CAMKMT: variants seen among roughly 807,000 people sequenced by gnomAD.
CAMKMT encodes the protein CaM KMT.
In CAMKMT, 53 loss-of-function variants were observed where a neutral mutation model predicts 48.0. That is an observed-to-expected ratio of 1.10 (90% confidence interval 0.89 to 1.39). CAMKMT has a LOEUF of 1.39. Ranked by LOEUF, CAMKMT falls within the 40% of genes most tolerant of loss-of-function variation. The pLI is 0.00. For missense variants in CAMKMT, 428 were observed against 402.7 expected (o/e 1.06, Z -0.54); for synonymous variants, 165 against 152.3 (o/e 1.08, Z -0.61).
At chr2:44,613,138 C>T (rs550648712) in intron 3 of CAMKMT, among the ~76,000 whole-genome samples, 1 of 152,300 alleles carries the variant, frequency 6.6e-6, no homozygotes, top group African/African-American at 2.4e-5. Context: ...ATTTTGGTAA[C>T]ATGGAAATGT....
chr2:44,595,385 G>A (rs759424741), intron 3 of CAMKMT, among the ~76,000 whole-genome samples: 3 of 152,132 alleles, frequency 2.0e-5, no homozygotes, highest in African/African-American at 4.8e-5. Context: ...GATTACAGGC[G>A]TGAGCCACCA....
intron 3 of CAMKMT, among the ~76,000 whole-genome samples, chr2:44,410,000 G>A (rs1683078563): frequency 6.6e-6 from 1 of 151,852 alleles, no homozygotes; most frequent in Non-Finnish European, 1.5e-5. Context: ...AATAAAAGTA[G>A]GAAATAACTG....
intron 3 of CAMKMT, among the ~76,000 whole-genome samples, chr2:44,424,816 T>C (rs1011285316): frequency 4.6e-5 from 7 of 152,146 alleles, no homozygotes; most frequent in Non-Finnish European, 7.3e-5. Flanking sequence ...GTGCAGTGTA[T>C]ACTGCTCGGG....
intron 9 of CAMKMT, among the ~76,000 whole-genome samples, chr2:44,763,984 A>G (rs1215173454): frequency 6.6e-6 from 1 of 152,000 alleles, no homozygotes; most frequent in African/African-American, 2.4e-5. Context: ...CAGAATGGCA[A>G]CCAGCTCTTA....
chr2:44,629,263 TATGAAA>T (rs1163953470), intron 3 of CAMKMT, among the ~76,000 whole-genome samples: 3 of 152,118 alleles, frequency 2.0e-5, no homozygotes, highest in Non-Finnish European at 4.4e-5. Flanking sequence ...CCTACGTCTT[TATGAAA>T]TGTCTTTCTT....
chr2:44,549,582 CT>C, intron 3 of CAMKMT: 1 of 691,842 alleles, frequency 1.4e-6, no homozygotes. Flanking sequence ...GTTGCCCAGG[CT>C]GGAGTGCAGT....
At chr2:44,584,912 G>A (rs139268688) in intron 3 of CAMKMT, among the ~76,000 whole-genome samples, 1,934 of 151,970 alleles carry the variant, frequency 0.013, 36 homozygotes, top group African/African-American at 0.04. Flanking sequence ...AAAATTATCC[G>A]GGCGTGGTGG....
At chr2:44,429,390 G>C (rs974690923) in intron 3 of CAMKMT, among the ~76,000 whole-genome samples, 1 of 150,824 alleles carries the variant, frequency 6.6e-6, no homozygotes, top group Non-Finnish European at 1.5e-5. Flanking sequence ...CTACTGTTTC[G>C]GTTTGTTCAA....
chr2:44,528,074 A>C (rs972179116), intron 3 of CAMKMT, among the ~76,000 whole-genome samples: 4 of 152,140 alleles, frequency 2.6e-5, no homozygotes, highest in African/African-American at 9.7e-5. Flanking sequence ...GTATTGAGAG[A>C]TTATTTGGTG....
intron 3 of CAMKMT, among the ~76,000 whole-genome samples, chr2:44,583,745 AT>A (rs1669698711): frequency 1.3e-5 from 2 of 152,226 alleles, no homozygotes; most frequent in African/African-American, 4.8e-5. Flanking sequence ...GCAGTGAGCT[AT>A]GTTTGAGCCA....
intron 3 of CAMKMT, among the ~76,000 whole-genome samples, chr2:44,598,549 A>G (rs1462172215): frequency 1.3e-5 from 2 of 151,534 alleles, no homozygotes; most frequent in Admixed American, 6.6e-5. Context: ...CCTGACAAGT[A>G]TGACTTAATC....
In CAMKMT at chr2:44,757,877, G is replaced by A. The variant is rs555990615; in HGVS notation, c.762+3759G>A. ...ATGAGCCACCACGCTCGGCCTTATG[G>A]GGGCCTTTTTCCAAGCATTTTCCTG... On this transcript the variant is annotated intron_variant, in intron 9 of 10. Transcript: ENST00000378494. 2.6e-5 allele frequency among the ~76,000 whole-genome samples: 4 copies of A among 152,244 alleles called. No individual in the cohort carries two copies. The South Asian group carries it at 8.3e-4, about 32-fold the overall frequency.
At chr2:44,605,717 C>A (rs10445928) in intron 3 of CAMKMT, among the ~76,000 whole-genome samples, 97,243 of 151,844 alleles carry the variant, frequency 0.64, 31,626 homozygotes, top group Middle Eastern at 0.71. Context: ...GCAGTGATTG[C>A]GAACTCCTTA....
intron 3 of CAMKMT, among the ~76,000 whole-genome samples, chr2:44,654,348 T>C (rs1040854338): frequency 6.6e-6 from 1 of 152,104 alleles, no homozygotes; most frequent in African/African-American, 2.4e-5. Context: ...ATTACTCAAA[T>C]AATACATATT....
At chr2:44,500,210 G>A (rs2104738749) in intron 3 of CAMKMT, among the ~76,000 whole-genome samples, 1 of 152,232 alleles carries the variant, frequency 6.6e-6, no homozygotes, top group South Asian at 2.1e-4. Flanking sequence ...GGGTTTTAGA[G>A]TATCTAAGTA....
Position 44,565,710 on chromosome 2 carries a change from A to C in CAMKMT, c.377-138573A>C, listed in dbSNP as rs957651149. 1.7e-4 allele frequency among the ~76,000 whole-genome samples: 26 copies of C among 152,172 alleles called. No individual in the cohort carries two copies. In the East Asian group the frequency reaches 2.3e-3, roughly 14 times the overall value. On this transcript the variant is annotated intron_variant, in intron 3 of 10. Coordinates refer to ENST00000378494, the MANE Select transcript of CAMKMT (RefSeq NM_024766.5). ...TCTGAGTCTGGAATTAAAAAAACAA[A>C]AAAAAAAACAAAACTCCCCAGGTGA... is the stretch of plus-strand genomic sequence containing the variant.
chr2:44,452,932 C>G (rs1266972553), intron 3 of CAMKMT, among the ~76,000 whole-genome samples: 2 of 151,912 alleles, frequency 1.3e-5, no homozygotes, highest in Non-Finnish European at 2.9e-5. Context: ...TTTTATGTGT[C>G]TTTTTATAGT....
At chr2:44,670,131 G>A (rs1004925874) in intron 3 of CAMKMT, among the ~76,000 whole-genome samples, 1 of 152,116 alleles carries the variant, frequency 6.6e-6, no homozygotes, top group East Asian at 1.9e-4. Context: ...GATCAGTTAT[G>A]TGTTACAATT....
intron 3 of CAMKMT, among the ~76,000 whole-genome samples, chr2:44,662,190 G>T (rs72792399): frequency 0.099 from 14,997 of 152,178 alleles, 1,016 homozygotes; most frequent in Non-Finnish European, 0.15. Context: ...CCTCAGCTCT[G>T]TTCTTTATAT....
Sources: gnomAD v4.1 joint callset for allele counts (sites outside exome capture counted in the v4.1 genomes callset) on GRCh38, gnomAD v4.1.1 for gene constraint, MANE v1.5 for transcripts, NCBI Gene and HGNC (gene_info 2026-07-23, HGNC 2026-07-21) for gene names.